The following C6orf89 variants were observed in gnomAD, a reference collection of about 807,000 sequenced individuals.
C6orf89 encodes the protein chromosome 6 open reading frame 89, also known as bombesin receptor-activated protein C6orf89.
Under a neutral mutation model 40.7 loss-of-function variants are expected in C6orf89, and 29 were observed. The observed-to-expected ratio is 0.71, with a 90% CI of 0.53 to 0.97. C6orf89 has a LOEUF of 0.97. C6orf89 is among the 50% of genes least tolerant of loss of function. The pLI is 0.00. For synonymous variants in C6orf89, 165 were observed against 152.2 expected (o/e 1.08, Z -0.62); for missense variants, 392 against 429.1 (o/e 0.91, Z 0.76).
At chr6:36,889,197 G>C (rs79419076) in intron 1 of C6orf89, among the ~76,000 whole-genome samples, 1 of 152,156 alleles carries the variant, frequency 6.6e-6, no homozygotes, top group Admixed American at 6.5e-5. Flanking sequence ...TAATGGGGTA[G>C]CAACAGCAGC....
At chr6:36,885,114 T>C (rs979584941), upstream of C6orf89, among the ~76,000 whole-genome samples, 7 of 152,228 alleles carry the variant, frequency 4.6e-5, no homozygotes, top group Admixed American at 2.6e-4. Context: ...CTTCTATATT[T>C]GAGTCCTTGT....
chr6:36,914,354 C>T lies in C6orf89; in HGVS notation c.474C>T (p.Gly158=), dbSNP rs1303380079. 1.8e-5 allele frequency: 29 copies of T among 1,614,046 alleles called. No individual in the cohort carries two copies. Among genetic ancestry groups the T allele is most frequent in the Admixed American group, 5.0e-5 (3 of 60,000 alleles). Residue 158 remains glycine (G), a synonymous_variant, in exon 5 of 9, where the codon GGC becomes GGT. Coordinates refer to ENST00000480824, the MANE Select transcript of C6orf89 (RefSeq NM_001286635.2). ...AGCCCATTCCTGCCAACTGCACTGG[C>T]TGTGCCCAGAAACACCTGAAGGTGA... ...ESEPIPANCT[G]CAQKHLKVML... is the part of the protein sequence containing the mutation.
intron 1 of C6orf89, among the ~76,000 whole-genome samples, chr6:36,892,068 G>A (rs1184507242): frequency 1.3e-5 from 2 of 152,236 alleles, no homozygotes; most frequent in African/African-American, 4.8e-5. Context: ...TTTTCTGTCA[G>A]ATATGCCTCT....
chr6:36,920,566 G>T (rs1365616455), intron 8 of C6orf89, among the ~76,000 whole-genome samples: 1 of 152,068 alleles, frequency 6.6e-6, no homozygotes, highest in African/African-American at 2.4e-5. Flanking sequence ...CTCATATGAG[G>T]GTAGGAATTG....
At chr6:36,888,304 T>C (rs1171239745) in intron 1 of C6orf89, among the ~76,000 whole-genome samples, 1 of 152,110 alleles carries the variant, frequency 6.6e-6, no homozygotes, top group Non-Finnish European at 1.5e-5. Flanking sequence ...TGGGGAGTCT[T>C]GGAAGGTGCT....
chr6:36,891,927 A>G (rs1191774571), intron 1 of C6orf89, among the ~76,000 whole-genome samples: 1 of 152,224 alleles, frequency 6.6e-6, no homozygotes, highest in Admixed American at 6.5e-5. Context: ...ATGGCATATC[A>G]GTGTTCAGGA....
intron 1 of C6orf89, among the ~76,000 whole-genome samples, chr6:36,878,323 C>G (rs1774714495): frequency 6.6e-6 from 1 of 152,202 alleles, no homozygotes; most frequent in African/African-American, 2.4e-5. Flanking sequence ...TAGCATTAGT[C>G]TGAACCCAGT....
chr6:36,909,782 CA>C (rs34739520), intron 4 of C6orf89, among the ~76,000 whole-genome samples: 1,405 of 91,076 alleles, frequency 0.015, 6 homozygotes, highest in African/African-American at 0.026. Flanking sequence ...GAGCCTGTCT[CA>C]AAAAAAAAAA....
chr6:36,919,837 C>G, intron 8 of C6orf89, 136 bp downstream of exon 8: 1 of 907,030 alleles, frequency 1.1e-6, no homozygotes, highest in Non-Finnish European at 1.6e-6. Context: ...TGTTAACAGG[C>G]TCAATATTTA....
chr6:36,890,437 T>C (rs1018688574), intron 1 of C6orf89, among the ~76,000 whole-genome samples: 4 of 152,232 alleles, frequency 2.6e-5, no homozygotes, highest in African/African-American at 9.6e-5. Context: ...CTTAGCATAA[T>C]GTCCTCCAGG....
chr6:36,919,824 TC>T, intron 8 of C6orf89, 123 bp downstream of exon 8: 1 of 1,013,590 alleles, frequency 9.9e-7, no homozygotes, highest in Non-Finnish European at 1.4e-6. Flanking sequence ...AATAACATTC[TC>T]CTGTTAACAG....
chr6:36,881,471 G>A (rs1326412959), upstream of C6orf89, among the ~76,000 whole-genome samples: 6 of 152,150 alleles, frequency 3.9e-5, no homozygotes, highest in African/African-American at 9.7e-5. Context: ...TCAGGAGTTC[G>A]AGACCAGCCT....
At chr6:36,891,938 C>G (rs546903648) in intron 1 of C6orf89, among the ~76,000 whole-genome samples, 1 of 152,320 alleles carries the variant, frequency 6.6e-6, no homozygotes, top group East Asian at 1.9e-4. Flanking sequence ...GTGTTCAGGA[C>G]TTACTTATCT....
chr6:36,879,522 C>G (rs1462736549), intron 2 of C6orf89, among the ~76,000 whole-genome samples: 1 of 152,160 alleles, frequency 6.6e-6, no homozygotes, highest in Non-Finnish European at 1.5e-5. Flanking sequence ...TTCTCTCTCT[C>G]TGTGCAAATG....
At chr6:36,913,044 A>C (rs1762184741) in intron 4 of C6orf89, among the ~76,000 whole-genome samples, 1 of 152,248 alleles carries the variant, frequency 6.6e-6, no homozygotes, top group Non-Finnish European at 1.5e-5. Context: ...GAAACGTTTT[A>C]GATTCAAAGC....
At chr6:36,889,478 A>G (rs941735025) in intron 1 of C6orf89, among the ~76,000 whole-genome samples, 4 of 152,150 alleles carry the variant, frequency 2.6e-5, no homozygotes, top group African/African-American at 7.2e-5. Flanking sequence ...TTTTTCTGAT[A>G]GTAGAAACTG....
upstream of C6orf89, among the ~76,000 whole-genome samples, chr6:36,881,411 G>A (rs145507548): frequency 2.9e-3 from 447 of 152,324 alleles, 1 homozygote; most frequent in African/African-American, 9.7e-3. Context: ...GGTGGCCCAT[G>A]CCTGTAATCC....
At position 36,893,346 on chromosome 6, in the gene C6orf89, C is replaced by T. The variant is rs13219374; in HGVS notation, c.-119-1158C>T. 7.0e-4 allele frequency among the ~76,000 whole-genome samples: 107 copies of T among 152,080 alleles called. 2 individuals are homozygous for T. Among genetic ancestry groups the T allele is most frequent in the Non-Finnish European group, 4.4e-4 (30 of 68,014 alleles). On this transcript the variant is annotated intron_variant, in intron 1 of 8. Transcript: ENST00000480824. ...CAAGACAATAAAAAATGTCTCCAGG[C>T]ATCCCTGGGGGCAGAATCTTTTCCA...
At chr6:36,879,405 G>A (rs1387969183) in intron 2 of C6orf89, among the ~76,000 whole-genome samples, 1 of 152,158 alleles carries the variant, frequency 6.6e-6, no homozygotes, top group African/African-American at 2.4e-5. Flanking sequence ...GGCCCCCAGT[G>A]TGATGGTGTG....
Sources: gnomAD v4.1 joint callset for allele counts (sites outside exome capture counted in the v4.1 genomes callset) on GRCh38, gnomAD v4.1.1 for gene constraint, MANE v1.5 for transcripts, NCBI Gene and HGNC (gene_info 2026-07-23, HGNC 2026-07-21) for gene names.